The following TRPC4 variants were observed in gnomAD, a reference collection of about 807,000 sequenced individuals.
The protein encoded by TRPC4 is transient receptor potential cation channel subfamily C member 4, also known as short transient receptor potential channel 4.
A neutral mutation model predicts 99.4 loss-of-function variants in TRPC4; 49 were observed. The observed-to-expected ratio is 0.49, with a 90% CI of 0.39 to 0.63. The LOEUF (loss-of-function observed/expected upper bound fraction) is 0.63, where lower values mean the gene tolerates loss of function less well. TRPC4 is among the 20% of genes least tolerant of loss of function. The pLI is 0.00. For synonymous variants in TRPC4, 454 were observed against 425.9 expected (o/e 1.07, Z -0.81); for missense variants, 898 against 1,152.9 (o/e 0.78, Z 3.20).
intron 1 of TRPC4, among the ~76,000 whole-genome samples, chr13:37,826,456 T>C (rs1297579653): frequency 7.1e-6 from 1 of 141,748 alleles, no homozygotes; most frequent in Non-Finnish European, 1.5e-5. Flanking sequence ...GGAGCTCTTT[T>C]AGGGCAGGCC....
intron 2 of TRPC4, among the ~76,000 whole-genome samples, chr13:37,756,530 T>A: frequency 7.6e-6 from 1 of 132,184 alleles, no homozygotes; most frequent in South Asian, 2.6e-4. Context: ...ATAGCTTTTT[T>A]TTTTCTTTTT....
chr13:37,719,116 T>C (rs1954777725), intron 3 of TRPC4, among the ~76,000 whole-genome samples: 2 of 152,244 alleles, frequency 1.3e-5, no homozygotes, highest in Non-Finnish European at 2.9e-5. Context: ...CAGAAGGGAA[T>C]GGGGCAGTAT....
intron 6 of TRPC4, among the ~76,000 whole-genome samples, chr13:37,661,682 G>A (rs189740520): frequency 6.6e-6 from 1 of 152,278 alleles, no homozygotes; most frequent in East Asian, 1.9e-4. Flanking sequence ...CTGGCAGACA[G>A]ACAAAGATTG....
rs528798130 is a variant in TRPC4 at position 37,787,735 on chromosome 13, C to T, written c.-27-4375G>A. 2.5e-4 allele frequency among the ~76,000 whole-genome samples: 38 copies of T among 152,118 alleles called. No homozygotes were observed. The South Asian group carries it at 7.9e-3, about 32-fold the overall frequency. On this transcript the variant is annotated intron_variant, in intron 1 of 10. Coordinates refer to ENST00000379705, the MANE Select transcript of TRPC4 (RefSeq NM_016179.4). The stretch of plus-strand genomic sequence containing the variant: ...TCTGTAAACCATGAAGATAAGATTA[C>T]ATTACTCAACAACAACAACAAAAAC...
chr13:37,705,153 T>C (rs1954228932), intron 3 of TRPC4, among the ~76,000 whole-genome samples: 1 of 152,136 alleles, frequency 6.6e-6, no homozygotes, highest in South Asian at 2.1e-4. Flanking sequence ...GGAGACAACA[T>C]GGATGAAACG....
chr13:37,849,587 T>C (rs1041907288), intron 1 of TRPC4, among the ~76,000 whole-genome samples: 2 of 152,194 alleles, frequency 1.3e-5, no homozygotes, highest in African/African-American at 4.8e-5. Flanking sequence ...CGCTAACTTC[T>C]GAACAAACCT....
At chr13:37,787,941 C>A (rs772865726) in intron 1 of TRPC4, among the ~76,000 whole-genome samples, 2 of 151,938 alleles carry the variant, frequency 1.3e-5, no homozygotes, top group Non-Finnish European at 2.9e-5. Context: ...ATGGTATATT[C>A]CCATTTTTAA....
chr13:37,737,766 C>A (rs1955445996), intron 3 of TRPC4, among the ~76,000 whole-genome samples: 1 of 152,160 alleles, frequency 6.6e-6, no homozygotes, highest in Non-Finnish European at 1.5e-5. Context: ...GGAGCCACCA[C>A]AACCAATTTG....
chr13:37,762,086 A>G (rs1429803453), intron 2 of TRPC4, among the ~76,000 whole-genome samples: 1 of 151,880 alleles, frequency 6.6e-6, no homozygotes, highest in Non-Finnish European at 1.5e-5. Context: ...TTGGACTAGG[A>G]TGAATCACTA....
At chr13:37,776,980 T>A (rs994000344) in intron 2 of TRPC4, among the ~76,000 whole-genome samples, 1 of 151,994 alleles carries the variant, frequency 6.6e-6, no homozygotes, top group South Asian at 2.1e-4. Flanking sequence ...AACATGCTAG[T>A]ACCAATATCT....
chr13:37,707,723 C>T (rs889820769), intron 3 of TRPC4, among the ~76,000 whole-genome samples: 3 of 152,070 alleles, frequency 2.0e-5, no homozygotes. Flanking sequence ...TTCTGGGATA[C>T]CCAAAATTTC....
intron 2 of TRPC4, among the ~76,000 whole-genome samples, chr13:37,775,565 A>T (rs557545563): frequency 5.5e-4 from 83 of 150,434 alleles, no homozygotes; most frequent in African/African-American, 2.0e-3. Flanking sequence ...GGACTAAATA[A>T]TTTTTCTGAG....
intron 3 of TRPC4, among the ~76,000 whole-genome samples, chr13:37,727,037 T>TAA (rs1955089202): frequency 6.6e-6 from 1 of 152,038 alleles, no homozygotes; most frequent in Non-Finnish European, 1.5e-5. Flanking sequence ...TAATCTTCCT[T>TAA]TAAGTAATGA....
intron 1 of TRPC4, among the ~76,000 whole-genome samples, chr13:37,835,633 A>G (rs992324113): frequency 3.3e-5 from 5 of 152,210 alleles, no homozygotes; most frequent in Admixed American, 3.3e-4. Context: ...AAACTTTGAC[A>G]TGACAGTGAC....
intron 8 of TRPC4, among the ~76,000 whole-genome samples, chr13:37,648,645 G>C (rs1011065946): frequency 6.6e-6 from 1 of 151,948 alleles, no homozygotes; most frequent in African/African-American, 2.4e-5. Flanking sequence ...ACACATAAAA[G>C]AAATGTGTGG....
At chr13:37,772,702 A>G (rs576197633) in intron 2 of TRPC4, among the ~76,000 whole-genome samples, 15 of 151,878 alleles carry the variant, frequency 9.9e-5, no homozygotes, top group Non-Finnish European at 7.4e-5. Context: ...GTCATATTTT[A>G]TAATTTATAT....
chr13:37,808,458 T>G (rs1327094865), intron 1 of TRPC4, among the ~76,000 whole-genome samples: 1 of 152,098 alleles, frequency 6.6e-6, no homozygotes, highest in Admixed American at 6.6e-5. Flanking sequence ...TACATTTTGA[T>G]GGAACTGTGA....
At chr13:37,672,822 A>C (rs189528047) in intron 5 of TRPC4, among the ~76,000 whole-genome samples, 253 of 152,246 alleles carry the variant, frequency 1.7e-3, no homozygotes, top group African/African-American at 5.9e-3. Context: ...AAAATTACCA[A>C]ATTATGTTTT....
rs185370466 is a variant in TRPC4, at chr13:37,790,735, C to T, written c.-27-7375G>A. On this transcript the variant is annotated intron_variant, in intron 1 of 10. Transcript: ENST00000379705. ...AACCAACTGAGCACAGGCCAGAAAA[C>T]TCGGTATATTATCCTCCCCCCTTTG... 6.9e-4 allele frequency among the ~76,000 whole-genome samples: 105 copies of T among 152,246 alleles called. 2 individuals carry two copies. In the East Asian group the frequency reaches 0.015, roughly 22 times the overall value.
Sources: gnomAD v4.1 joint callset for allele counts (sites outside exome capture counted in the v4.1 genomes callset) on GRCh38, gnomAD v4.1.1 for gene constraint, MANE v1.5 for transcripts, NCBI Gene and HGNC (gene_info 2026-07-23, HGNC 2026-07-21) for gene names.